LIPG: variants seen among roughly 807,000 people sequenced by gnomAD.
LIPG encodes lipase G, endothelial type.
In LIPG, 34 loss-of-function variants were observed where a neutral mutation model predicts 51.8. That is an observed-to-expected ratio of 0.66 (90% confidence interval 0.50 to 0.87). The LOEUF is 0.87. Among genes scored for constraint, LIPG ranks in the 40% least tolerant of loss-of-function variants. The probability of loss-of-function intolerance (pLI) is 0.00; values close to 1 mark genes in which losing one functional copy is unlikely to be tolerated. For missense variants in LIPG, 580 were observed against 652.7 expected (o/e 0.89, Z 1.21); for synonymous variants, 246 against 246.1 (o/e 1.00, Z 0.00).
chr18:49,578,974 T>C (rs1396347821), intron 5 of LIPG, among the ~76,000 whole-genome samples: 53 of 125,644 alleles, frequency 4.2e-4, no homozygotes, highest in Admixed American at 1.0e-3. Context: ...ACAGTCCAGC[T>C]TCGGCTCCAC....
intron 5 of LIPG, among the ~76,000 whole-genome samples, chr18:49,575,983 C>A (rs1367594379): frequency 6.6e-6 from 1 of 151,898 alleles, no homozygotes; most frequent in Non-Finnish European, 1.5e-5. Context: ...GGACTACAGG[C>A]ACGTGCCACC....
chr18:49,575,303 TA>T, intron 4 of LIPG, 65 bp from the exon 5 acceptor site: 3 of 1,272,934 alleles, frequency 2.4e-6, no homozygotes, highest in Non-Finnish European at 3.4e-6. Context: ...ACTTAACTTG[TA>T]ATCAGGACTC....
chr18:49,587,641 A>G lies in LIPG; in HGVS notation c.1481+791A>G, dbSNP rs553613457. On this transcript the variant is annotated intron_variant, in intron 9 of 9. Coordinates refer to ENST00000261292, the MANE Select transcript of LIPG (RefSeq NM_006033.4). ...GATAAAGAAGCAAGTGAAATACTGTAGATAGGATGTTGGAAGTGTTAATGT... is the reference window on the plus strand; with the variant it reads ...GATAAAGAAGCAAGTGAAATACTGTGGATAGGATGTTGGAAGTGTTAATGT... 2.0e-5 allele frequency among the ~76,000 whole-genome samples: 3 copies of G among 149,566 alleles called. No homozygotes were observed. In the East Asian group the frequency reaches 5.9e-4, roughly 30 times the overall value.
In LIPG at chr18:49,583,749, G is replaced by A. The variant is rs781773640; in HGVS notation, c.1351G>A (p.Val451Met). The A allele has an allele frequency of 9.9e-6, 16 of 1,613,222 alleles. No individual in the cohort carries two copies. The African/African-American group carries it at 1.2e-4, about 12-fold the overall frequency. ...GGAGCTGAATATCAGGCGCATCCGG[G>A]TGAAGTCTGGGGAAACCCAGCGGAA... ...GRELNIRRIR[V>M]KSGETQRKLT... Residue 451 changes from valine (V) to methionine (M), a missense_variant, in exon 8 of 10, where the codon GTG becomes ATG. Coordinates refer to ENST00000261292, the MANE Select transcript of LIPG (RefSeq NM_006033.4).
chr18:49,572,034 G>A (rs1022846213), intron 4 of LIPG, among the ~76,000 whole-genome samples: 2 of 152,122 alleles, frequency 1.3e-5, no homozygotes, highest in Admixed American at 1.3e-4. Flanking sequence ...GTGTGGCCGG[G>A]CGTGGCCGGG....
intron 1 of LIPG, among the ~76,000 whole-genome samples, chr18:49,563,442 G>A (rs114043670): frequency 1.9e-3 from 295 of 152,178 alleles, no homozygotes; most frequent in African/African-American, 6.9e-3. Flanking sequence ...AGTATTTACT[G>A]CATACCTACT....
rs1285475959 is a variant in LIPG at position 49,567,600 on chromosome 18, C to G, written c.438C>G (p.Ala146=). 6.2e-7 allele frequency: 1 copy of G among 1,613,928 alleles called. No homozygotes were observed. The highest frequency in any genetic ancestry group is 1.3e-5 in the African/African-American group (1 of 74,892). The change falls in exon 3 of 10, where the codon GCC becomes GCG. Residue 146 remains alanine, a synonymous_variant. Coordinates refer to ENST00000261292, the MANE Select transcript of LIPG (RefSeq NM_006033.4). ...CCAGGGTGGTGGGACACAGCATTGC[C>G]AGGATGCTCGACTGGCTGCAGGTAC... ...NNTRVVGHSI[A]RMLDWLQEKD...
chr18:49,583,791 C>T lies in LIPG; in HGVS notation c.1376+17C>T, dbSNP rs1271071805. The T allele has an allele frequency of 6.3e-7, 1 of 1,594,104 alleles. No individual in the cohort carries two copies. The highest frequency in any genetic ancestry group is 2.3e-5 in the East Asian group (1 of 43,942). On this transcript the variant is annotated intron_variant, in intron 8 of 9. Transcript: ENST00000261292. ...CCAGCGGAAGTAAGTGCCTCCTGCT[C>T]CTTCTTCTGCCTGGTGTAGGTGGGG...
chr18:49,590,599 A>T lies in LIPG; in HGVS notation c.*77A>T, dbSNP rs2084932295. On this transcript the variant is annotated 3_prime_UTR_variant, in exon 10 of 10. Transcript: ENST00000261292. ...AGCCCATGGAGGAAAGTTACTGCTG[A>T]GGACCCACCCAATGGAAGGATTCTT... The T allele has an allele frequency of 7.1e-7, 1 of 1,408,044 alleles. No homozygotes were observed. Among genetic ancestry groups the T allele is most frequent in the Admixed American group, 1.9e-5 (1 of 51,326 alleles). 87.2% of individuals were successfully genotyped at this position (1,408,044 alleles called of 1,614,324 possible).
At position 49,569,547 on chromosome 18, in the gene LIPG, A is replaced by G. The variant is rs531767005; in HGVS notation, c.570A>G (p.Thr190=). The part of the protein sequence containing the change: ...NFVKGTVGRI[T]GLDPAGPMFE... Reference sequence around the variant, plus strand: ...TGAAAGGAACGGTGGGCCGAATCACAGGTGAGCTCCACTTCCATCACTAAA... The same window carrying G: ...TGAAAGGAACGGTGGGCCGAATCACGGGTGAGCTCCACTTCCATCACTAAA... Residue 190 remains threonine, a splice_region_variant and synonymous_variant, in exon 4 of 10, where the codon ACA becomes ACG. Transcript: ENST00000261292. 1.2e-6 allele frequency: 2 copies of G among 1,612,226 alleles called. No homozygotes were observed. Among genetic ancestry groups the G allele is most frequent in the East Asian group, 2.2e-5 (1 of 44,868 alleles).
intron 4 of LIPG, among the ~76,000 whole-genome samples, chr18:49,572,451 TTAAG>T (rs755359651): frequency 1.3e-5 from 2 of 152,022 alleles, no homozygotes; most frequent in African/African-American, 2.4e-5. Flanking sequence ...GACTCAGTGA[TTAAG>T]TAAAGGGCCC....
At chr18:49,576,762 C>G (rs957448901) in intron 5 of LIPG, among the ~76,000 whole-genome samples, 1 of 152,044 alleles carries the variant, frequency 6.6e-6, no homozygotes, top group Non-Finnish European at 1.5e-5. Context: ...TGAGCCACTG[C>G]ACCCAGCCAG....
At chr18:49,578,351 C>G (rs1444844347) in intron 5 of LIPG, among the ~76,000 whole-genome samples, 2 of 129,130 alleles carry the variant, frequency 1.5e-5, no homozygotes, top group African/African-American at 3.1e-5. Flanking sequence ...GACGGGGTCT[C>G]GGCCGGGCAG....
At chr18:49,589,832 GA>G (rs1417234957) in intron 9 of LIPG, 1 of 156,256 alleles carries the variant, frequency 6.4e-6, no homozygotes, top group African/African-American at 2.4e-5. Flanking sequence ...AGAACTCTAT[GA>G]TTCACCCTCT....
At position 49,569,557 on chromosome 18, in the gene LIPG, C is replaced by T; in HGVS notation, c.571+9C>T. 1 of 1,603,244 alleles carries T rather than the reference C, an allele frequency of 6.2e-7. No individual in the cohort carries two copies. The highest frequency in any genetic ancestry group is 1.7e-5 in the Admixed American group (1 of 59,918). ...GGTGGGCCGAATCACAGGTGAGCTC[C>T]ACTTCCATCACTAAAGGGCTCCCTC... On this transcript the variant is annotated intron_variant, in intron 4 of 9. Coordinates refer to ENST00000261292, the MANE Select transcript of LIPG (RefSeq NM_006033.4).
At position 49,598,210 on chromosome 18, in the gene LIPG, T is replaced by C. The variant is rs1600577247; in HGVS notation, c.*7688T>C. 1 of 152,314 alleles carries C rather than the reference T, an allele frequency of 6.6e-6. No homozygotes were observed. The highest frequency in any genetic ancestry group is 1.9e-4 in the East Asian group (1 of 5,186). The allele number at this position is 152,314 out of a possible 1,614,324, so 9.4% of individuals were successfully genotyped here. ...CTCTCTCTCTCTTTTTTAATTTTTT[T>C]TGGAGACACGGTATCACTGTGTGGC... On this transcript the variant is annotated 3_prime_UTR_variant, in exon 10 of 10. Transcript: ENST00000261292.
chr18:49,597,783 C>G lies in LIPG; in HGVS notation c.*7261C>G, dbSNP rs565327256. ...CCAGAGGCAAATGGTTTTGGACTCACAAGAATTGCTCATGGCCAGAGGCAA... is the reference window on the plus strand; with the variant it reads ...CCAGAGGCAAATGGTTTTGGACTCAGAAGAATTGCTCATGGCCAGAGGCAA... On this transcript the variant is annotated 3_prime_UTR_variant, in exon 10 of 10. Transcript: ENST00000261292. 1.3e-5 allele frequency: 2 copies of G among 152,332 alleles called. No homozygotes were observed. The highest frequency in any genetic ancestry group is 4.8e-5 in the African/African-American group (2 of 41,560). 9.4% of individuals were successfully genotyped at this position (152,332 alleles called of 1,614,324 possible).
chr18:49,580,629 T>C (rs1457581968), intron 5 of LIPG, among the ~76,000 whole-genome samples: 1 of 151,530 alleles, frequency 6.6e-6, no homozygotes, highest in East Asian at 1.9e-4. Context: ...TGAGACACTG[T>C]CTATAAAACA....
chr18:49,582,964 C>T (rs1320271179), intron 7 of LIPG, among the ~76,000 whole-genome samples: 1 of 152,222 alleles, frequency 6.6e-6, no homozygotes, highest in African/African-American at 2.4e-5. Flanking sequence ...TAGCTCACTT[C>T]TCAGGGCTCA....
Sources: allele counts gnomAD v4.1 joint callset (sites outside exome capture counted in the v4.1 genomes callset), GRCh38; gene constraint gnomAD v4.1.1; transcripts MANE v1.5; gene names NCBI Gene and HGNC (gene_info 2026-07-23, HGNC 2026-07-21).